LINGO2: variants seen among roughly 807,000 people sequenced by gnomAD.
LINGO2 encodes leucine-rich repeat and immunoglobulin-like domain-containing nogo receptor-interacting protein 2.
Under a neutral mutation model 30.6 loss-of-function variants are expected in LINGO2, and 14 were observed. The ratio of observed to expected loss-of-function variants is 0.46; its 90% CI spans 0.30 to 0.72. The LOEUF is 0.72. LINGO2 is among the 30% of genes least tolerant of loss of function. The probability of loss-of-function intolerance (pLI) is 0.07; values close to 1 mark genes in which losing one functional copy is unlikely to be tolerated. For synonymous variants in LINGO2, 317 were observed against 288.5 expected, an observed-to-expected ratio of 1.10 and a Z score of -1.00; for missense variants, 729 against 751.7, an observed-to-expected ratio of 0.97 and a Z score of 0.35.
At chr9:28,272,856 A>G (rs908519961) in intron 4 of LINGO2, among the ~76,000 whole-genome samples, 2 of 152,082 alleles carry the variant, frequency 1.3e-5, no homozygotes, top group African/African-American at 4.8e-5. Context: ...TTACTAACTG[A>G]ACCAATCTCC....
the LINGO2 span, among the ~76,000 whole-genome samples, chr9:29,197,049 T>C: frequency 5.3e-5 from 8 of 152,098 alleles, no homozygotes; most frequent in African/African-American, 1.9e-4. Flanking sequence ...GCTGTTTTAA[T>C]AGGTAACCTC....
the LINGO2 span, among the ~76,000 whole-genome samples, chr9:29,162,824 C>T: frequency 6.6e-6 from 1 of 152,132 alleles, no homozygotes; most frequent in Admixed American, 6.5e-5. Context: ...AATACTCCTA[C>T]TATTTTTCTA....
chr9:28,091,545 T>A (rs146785149), intron 4 of LINGO2, among the ~76,000 whole-genome samples: 61,000 of 151,940 alleles, frequency 0.4, 12,458 homozygotes, highest in East Asian at 0.65. Flanking sequence ...TATACAAAAA[T>A]TAATTCAAGA....
intron 4 of LINGO2, among the ~76,000 whole-genome samples, chr9:28,122,766 C>T (rs1827135555): frequency 6.6e-6 from 1 of 152,144 alleles, no homozygotes; most frequent in Non-Finnish European, 1.5e-5. Flanking sequence ...TTATGTTTTT[C>T]AATTCATTTC....
chr9:28,014,999 A>G (rs1822755330), intron 4 of LINGO2, among the ~76,000 whole-genome samples: 1 of 152,206 alleles, frequency 6.6e-6, no homozygotes, highest in East Asian at 1.9e-4. Flanking sequence ...ATAAAAAACA[A>G]AATAGTTCCT....
the LINGO2 span, among the ~76,000 whole-genome samples, chr9:28,736,643 T>G: frequency 6.6e-6 from 1 of 151,866 alleles, no homozygotes; most frequent in Admixed American, 6.6e-5. Flanking sequence ...ATACAAAAAA[T>G]TAGCCGGGTG....
chr9:28,735,046 T>A, the LINGO2 span, among the ~76,000 whole-genome samples: 2 of 152,334 alleles, frequency 1.3e-5, no homozygotes, highest in East Asian at 3.9e-4. Flanking sequence ...TTACAGTTTT[T>A]TGTACTTCTG....
the LINGO2 span, among the ~76,000 whole-genome samples, chr9:28,849,683 G>C: frequency 6.6e-6 from 1 of 151,840 alleles, no homozygotes; most frequent in Admixed American, 6.6e-5. Flanking sequence ...ACAAGCTACC[G>C]AGCTTTGCAA....
chr9:28,040,579 C>T (rs1176624726), intron 4 of LINGO2, among the ~76,000 whole-genome samples: 1 of 151,968 alleles, frequency 6.6e-6, no homozygotes, highest in Non-Finnish European at 1.5e-5. Context: ...ATAATAAATC[C>T]ATTGTTCCAA....
At chr9:29,004,878 T>C in the LINGO2 span, among the ~76,000 whole-genome samples, 1 of 152,132 alleles carries the variant, frequency 6.6e-6, no homozygotes, top group Non-Finnish European at 1.5e-5. Flanking sequence ...CCTTGGACAA[T>C]TTAATTAATC....
chr9:28,712,359 A>G, the LINGO2 span, among the ~76,000 whole-genome samples: 1 of 152,052 alleles, frequency 6.6e-6, no homozygotes, highest in Admixed American at 6.6e-5. Flanking sequence ...AAGTTTCACC[A>G]TCTCTTATAT....
At chr9:28,959,954 G>C in the LINGO2 span, among the ~76,000 whole-genome samples, 5 of 152,066 alleles carry the variant, frequency 3.3e-5, no homozygotes, top group African/African-American at 9.7e-5. Flanking sequence ...TCATAGGGTA[G>C]TTTTAATGCT....
At chr9:28,544,156 T>C (rs1821828315) in intron 1 of LINGO2, among the ~76,000 whole-genome samples, 1 of 151,542 alleles carries the variant, frequency 6.6e-6, no homozygotes, top group East Asian at 1.9e-4. Flanking sequence ...TGAACCAAAA[T>C]CAAGCCACTG....
chr9:28,611,797 T>C (rs556151773), intron 1 of LINGO2, among the ~76,000 whole-genome samples: 1 of 150,540 alleles, frequency 6.6e-6, no homozygotes, highest in East Asian at 1.9e-4. Context: ...TCTTTTTTAT[T>C]TATGTATTTA....
At chr9:29,013,475 A>G in the LINGO2 span, among the ~76,000 whole-genome samples, 11 of 152,134 alleles carry the variant, frequency 7.2e-5, no homozygotes, top group African/African-American at 2.2e-4. Flanking sequence ...TCCCAAGACA[A>G]TAATGTAAAG....
chr9:28,082,327 T>C (rs1358372471), intron 4 of LINGO2, among the ~76,000 whole-genome samples: 2 of 152,176 alleles, frequency 1.3e-5, no homozygotes, highest in Non-Finnish European at 2.9e-5. Context: ...GATAACCAGT[T>C]TGTGCCTAAA....
intron 5 of LINGO2, among the ~76,000 whole-genome samples, chr9:27,994,840 A>C (rs1171739928): frequency 6.6e-6 from 1 of 152,148 alleles, no homozygotes; most frequent in Non-Finnish European, 1.5e-5. Context: ...CAGAACTCTC[A>C]GGGTGCTGCT....
chr9:28,348,135 GGT>G (rs1055813917), intron 3 of LINGO2, among the ~76,000 whole-genome samples: 67 of 152,112 alleles, frequency 4.4e-4, no homozygotes, highest in Non-Finnish European at 8.4e-4. Flanking sequence ...TGCTGTTCAC[GGT>G]GGAGGAGCCA....
In LINGO2 at chr9:28,663,319, G is replaced by A. The variant is rs144148238; in HGVS notation, c.-365+6881C>T. On this transcript the variant is annotated intron_variant, in intron 1 of 5. Transcript: ENST00000379992. ...CTGAGTAGCTGGGACTACAGGTGCC[G>A]GCCAACATGCCTGGCTAATTTTTGT... 7.2e-5 allele frequency among the ~76,000 whole-genome samples: 11 copies of A among 152,036 alleles called. 1 individual carries two copies. The highest frequency in any genetic ancestry group is 1.0e-4 in the Non-Finnish European group (7 of 67,956).
Sources: gnomAD v4.1 joint callset for allele counts (sites outside exome capture counted in the v4.1 genomes callset) on GRCh38, gnomAD v4.1.1 for gene constraint, MANE v1.5 for transcripts, NCBI Gene and HGNC (gene_info 2026-07-23, HGNC 2026-07-21) for gene names.